TTC7B: variants seen among roughly 807,000 people sequenced by gnomAD.
TTC7B encodes tetratricopeptide repeat protein 7B.
In TTC7B, 28 loss-of-function variants were observed where a neutral mutation model predicts 106.8. That is an observed-to-expected ratio of 0.26 (90% CI 0.19 to 0.36). The LOEUF is 0.36. TTC7B is among the 10% of genes least tolerant of loss of function. TTC7B has a pLI of 1.00. For synonymous variants in TTC7B, 405 were observed against 430.6 expected (o/e 0.94, Z 0.74); for missense variants, 862 against 1,076.4 (o/e 0.80, Z 2.79).
chr14:90,579,394 T>G (rs1460478859), intron 18 of TTC7B, among the ~76,000 whole-genome samples: 3 of 152,118 alleles, frequency 2.0e-5, no homozygotes, highest in African/African-American at 7.2e-5. Context: ...GTAAAAGAGG[T>G]TTGCACCCCT....
chr14:90,640,887 G>C (rs969859429), intron 15 of TTC7B, among the ~76,000 whole-genome samples: 3 of 152,290 alleles, frequency 2.0e-5, no homozygotes, highest in Non-Finnish European at 4.4e-5. Context: ...GAAGGATCTG[G>C]AGTCCTAAAC....
At chr14:90,653,834 T>C (rs544234822) in intron 12 of TTC7B, among the ~76,000 whole-genome samples, 1 of 152,016 alleles carries the variant, frequency 6.6e-6, no homozygotes, top group Non-Finnish European at 1.5e-5. Flanking sequence ...CCCCATAGGG[T>C]CAAGCAACTC....
intron 17 of TTC7B, among the ~76,000 whole-genome samples, chr14:90,606,720 G>A (rs1448858938): frequency 6.6e-6 from 1 of 152,142 alleles, no homozygotes; most frequent in Non-Finnish European, 1.5e-5. Flanking sequence ...GGCTATTTTA[G>A]TTTGACATGT....
chr14:90,586,961 T>A (rs1332323841), intron 18 of TTC7B, among the ~76,000 whole-genome samples: 2 of 152,128 alleles, frequency 1.3e-5, no homozygotes, highest in African/African-American at 2.4e-5. Flanking sequence ...CCCCTCAACA[T>A]CCAACCTACA....
intron 3 of TTC7B, among the ~76,000 whole-genome samples, chr14:90,748,762 C>T (rs1252699085): frequency 3.3e-5 from 5 of 152,134 alleles, no homozygotes; most frequent in Non-Finnish European, 7.3e-5. Context: ...AAACCTTACC[C>T]TATGTGGTTA....
At chr14:90,793,822 G>C (rs1433072973) in intron 1 of TTC7B, among the ~76,000 whole-genome samples, 1 of 151,634 alleles carries the variant, frequency 6.6e-6, no homozygotes, top group African/African-American at 2.4e-5. Context: ...TGGTCAGGCT[G>C]GTCTCGAACT....
intron 5 of TTC7B, among the ~76,000 whole-genome samples, chr14:90,725,845 C>T (rs764973390): frequency 6.6e-6 from 1 of 152,258 alleles, no homozygotes. Flanking sequence ...CTACCCAGGA[C>T]ACCTGACACA....
At chr14:90,797,619 T>A (rs1425622685) in intron 1 of TTC7B, among the ~76,000 whole-genome samples, 1 of 152,016 alleles carries the variant, frequency 6.6e-6, no homozygotes, top group Non-Finnish European at 1.5e-5. Flanking sequence ...GGTGGGGGTA[T>A]AAATTAGCAT....
At chr14:90,692,084 C>T (rs1299192597) in intron 6 of TTC7B, among the ~76,000 whole-genome samples, 2 of 152,240 alleles carry the variant, frequency 1.3e-5, no homozygotes, top group African/African-American at 2.4e-5. Flanking sequence ...TCCATTGCAT[C>T]GATAAACCAC....
chr14:90,767,268 A>T (rs1890721624), intron 3 of TTC7B, among the ~76,000 whole-genome samples: 1 of 152,160 alleles, frequency 6.6e-6, no homozygotes, highest in Admixed American at 6.5e-5. Flanking sequence ...CAATAAGTGA[A>T]ATGAAAAATT....
At chr14:90,725,032 T>A (rs1399351354) in intron 5 of TTC7B, among the ~76,000 whole-genome samples, 1 of 152,206 alleles carries the variant, frequency 6.6e-6, no homozygotes, top group Non-Finnish European at 1.5e-5. Flanking sequence ...TTCCTTTTCA[T>A]CTCCGTATCT....
At chr14:90,679,384 C>A (rs770778777) in intron 8 of TTC7B, among the ~76,000 whole-genome samples, 3 of 152,192 alleles carry the variant, frequency 2.0e-5, no homozygotes, top group Admixed American at 6.5e-5. Context: ...CATGTCTATA[C>A]TCACCTGAGT....
intron 3 of TTC7B, among the ~76,000 whole-genome samples, chr14:90,756,383 T>TG (rs200675232): frequency 0.22 from 6,242 of 28,028 alleles, 166 homozygotes; most frequent in Non-Finnish European, 0.31. Flanking sequence ...TTTTTTTTTT[T>TG]GTTTTTTTTT....
At chr14:90,636,394 A>G (rs1382070386) in intron 15 of TTC7B, among the ~76,000 whole-genome samples, 5 of 151,318 alleles carry the variant, frequency 3.3e-5, no homozygotes, top group South Asian at 2.1e-4. Flanking sequence ...CAGCTTTAAA[A>G]TATAGAAAGG....
chr14:90,814,650 A>G (rs2031076657), intron 1 of TTC7B, among the ~76,000 whole-genome samples: 1 of 152,234 alleles, frequency 6.6e-6, no homozygotes, highest in African/African-American at 2.4e-5. Flanking sequence ...CATTATGCCT[A>G]CACCGCTGGG....
rs1029908046 is a variant in TTC7B at position 90,757,783 on chromosome 14, T to C, written c.446-12861A>G. On this transcript the variant is annotated intron_variant, in intron 3 of 19. Coordinates refer to ENST00000328459, the MANE Select transcript of TTC7B (RefSeq NM_001010854.2). The surrounding 1 kb of genome is among the most constrained non-coding windows in gnomAD (Gnocchi z 4.1). ...TGGGATTAGATCTCACTTGAAGACA[T>C]GAATCTCTCAAGGAACACTCCAGGA... Among the ~76,000 whole-genome samples, 2 of 152,176 alleles carry C rather than the reference T, an allele frequency of 1.3e-5. No homozygotes were observed. The highest frequency in any genetic ancestry group is 4.8e-5 in the African/African-American group (2 of 41,418).
chr14:90,683,172 G>A (rs1887120579), intron 7 of TTC7B, among the ~76,000 whole-genome samples: 1 of 152,146 alleles, frequency 6.6e-6, no homozygotes, highest in African/African-American at 2.4e-5. Flanking sequence ...AGGTCTAAAG[G>A]TCACCGGCAT....
chr14:90,640,319 G>A (rs1439320710), intron 15 of TTC7B, among the ~76,000 whole-genome samples: 1 of 151,946 alleles, frequency 6.6e-6, no homozygotes, highest in Non-Finnish European at 1.5e-5. Context: ...AATATACATG[G>A]TATAGAAACA....
chr14:90,612,023 C>T (rs17224082), intron 16 of TTC7B, among the ~76,000 whole-genome samples: 24,182 of 152,168 alleles, frequency 0.16, 1,963 homozygotes, highest in South Asian at 0.23. Flanking sequence ...CTTTATGCAG[C>T]TGTTGCTAAA....
Sources: gnomAD v4.1 joint callset for allele counts (sites outside exome capture counted in the v4.1 genomes callset) on GRCh38, gnomAD v4.1.1 for gene constraint, Gnocchi (gnomAD v3.1) non-coding constraint, MANE v1.5 for transcripts, NCBI Gene and HGNC (gene_info 2026-07-23, HGNC 2026-07-21) for gene names.